SPAG16: variants seen among roughly 807,000 people sequenced by gnomAD.
The protein encoded by SPAG16 is sperm associated antigen 16, also known as sperm-associated antigen 16 protein.
SPAG16 carries 86 observed loss-of-function variants against 80.4 expected under a neutral mutation model. The ratio of observed to expected loss-of-function variants is 1.07; its 90% CI spans 0.90 to 1.28. The LOEUF (loss-of-function observed/expected upper bound fraction) is 1.28, where lower values mean the gene tolerates loss of function less well. Among genes scored for constraint, SPAG16 ranks in the 50% most tolerant of loss-of-function variants. The pLI, the probability that SPAG16 is intolerant of heterozygous loss-of-function variation, is 0.00. For missense variants in SPAG16, 870 were observed against 765.3 expected (o/e 1.14, Z -1.61); for synonymous variants, 294 against 265.9 (o/e 1.11, Z -1.03).
At chr2:213,539,106 G>A (rs1235435162) in intron 10 of SPAG16, among the ~76,000 whole-genome samples, 1 of 152,082 alleles carries the variant, frequency 6.6e-6, no homozygotes, top group African/African-American at 2.4e-5. Context: ...TTTCGGGAAG[G>A]GTTTGAACAA....
intron 10 of SPAG16, among the ~76,000 whole-genome samples, chr2:213,503,010 A>G (rs754675967): frequency 2.0e-5 from 3 of 152,258 alleles, no homozygotes; most frequent in Non-Finnish European, 2.9e-5. Context: ...ACTCTTCTTA[A>G]TAAGTATGAG....
intron 11 of SPAG16, among the ~76,000 whole-genome samples, chr2:213,872,532 A>G (rs1306623100): frequency 1.3e-5 from 2 of 152,150 alleles, no homozygotes; most frequent in Non-Finnish European, 2.9e-5. Context: ...TCATCTCTGA[A>G]GAGAGATCAT....
At chr2:213,355,373 TAA>T (rs2065580400) in intron 7 of SPAG16, among the ~76,000 whole-genome samples, 1 of 79,104 alleles carries the variant, frequency 1.3e-5, no homozygotes, top group African/African-American at 3.6e-5. Flanking sequence ...ATATGAACTT[TAA>T]AGTAGTTTTC....
At chr2:214,327,035 C>CTCTT (rs2126004206) in intron 15 of SPAG16, among the ~76,000 whole-genome samples, 1 of 147,056 alleles carries the variant, frequency 6.8e-6, no homozygotes, top group East Asian at 2.1e-4. Flanking sequence ...AGTTTTTAAA[C>CTCTT]TCTTACAAGC....
In SPAG16 at chr2:213,584,182, AT is replaced by A. The variant is rs545453582; in HGVS notation, c.1070+94101del. On this transcript the variant is annotated intron_variant, in intron 10 of 15. Transcript: ENST00000331683. ...TGTTTATTTTGCATTTCTTCATTGG[AT>A]TTTTTTTTATACTAGTCCAACTAGC... Among the ~76,000 whole-genome samples the A allele has an allele frequency of 4.3e-3, 651 of 151,668 alleles. 9 individuals are homozygous for A. The highest frequency in any genetic ancestry group is 5.7e-3 in the Non-Finnish European group (390 of 67,888).
At chr2:214,087,233 C>T (rs1438974369) in intron 13 of SPAG16, among the ~76,000 whole-genome samples, 2 of 152,038 alleles carry the variant, frequency 1.3e-5, no homozygotes, top group African/African-American at 4.8e-5. Context: ...GCTATCTTAA[C>T]TTTAAGGACG....
intron 10 of SPAG16, among the ~76,000 whole-genome samples, chr2:213,544,160 T>C (rs1319665967): frequency 6.6e-6 from 1 of 152,000 alleles, no homozygotes; most frequent in African/African-American, 2.4e-5. Flanking sequence ...TTCTTCTATA[T>C]GGTCCCACTC....
chr2:214,096,034 A>G (rs1376962716), intron 13 of SPAG16, among the ~76,000 whole-genome samples: 1 of 152,046 alleles, frequency 6.6e-6, no homozygotes, highest in Non-Finnish European at 1.5e-5. Context: ...TGTAATGGTG[A>G]GAATAATTAA....
intron 15 of SPAG16, among the ~76,000 whole-genome samples, chr2:214,370,292 T>G (rs1166907996): frequency 6.6e-6 from 1 of 152,128 alleles, no homozygotes; most frequent in Non-Finnish European, 1.5e-5. Flanking sequence ...AAAGAAGTCA[T>G]GACAAAATTT....
intron 15 of SPAG16, among the ~76,000 whole-genome samples, chr2:214,279,561 G>A (rs562310551): frequency 2.6e-5 from 4 of 152,236 alleles, no homozygotes; most frequent in Non-Finnish European, 5.9e-5. Flanking sequence ...GGACAGCAAG[G>A]CTTTTGGAAT....
chr2:213,549,670 T>C (rs1402092927), intron 10 of SPAG16, among the ~76,000 whole-genome samples: 1 of 152,206 alleles, frequency 6.6e-6, no homozygotes, highest in Non-Finnish European at 1.5e-5. Flanking sequence ...CATCCCTTAC[T>C]ACCAACTTCA....
intron 11 of SPAG16, among the ~76,000 whole-genome samples, chr2:213,863,464 T>C (rs1363161272): frequency 6.6e-6 from 1 of 152,110 alleles, no homozygotes; most frequent in Admixed American, 6.5e-5. Context: ...ATAAAAAAAT[T>C]TTATTTAAAT....
chr2:213,778,365 G>A (rs985798895), intron 10 of SPAG16, among the ~76,000 whole-genome samples: 5 of 152,030 alleles, frequency 3.3e-5, no homozygotes, highest in African/African-American at 9.7e-5. Context: ...AAAGAAAGGG[G>A]AACACACTTA....
chr2:213,699,703 GT>G (rs902061827), intron 10 of SPAG16, among the ~76,000 whole-genome samples: 1 of 152,166 alleles, frequency 6.6e-6, no homozygotes, highest in African/African-American at 2.4e-5. Context: ...TTCCTTTTGT[GT>G]AAGTTATGTG....
intron 7 of SPAG16, among the ~76,000 whole-genome samples, chr2:213,358,969 T>C (rs895138226): frequency 1.3e-5 from 2 of 152,164 alleles, no homozygotes; most frequent in Non-Finnish European, 2.9e-5. Flanking sequence ...TTTTGAAGTT[T>C]ATGCTATTTC....
At chr2:214,035,356 C>T (rs1225774488) in intron 13 of SPAG16, among the ~76,000 whole-genome samples, 1 of 152,194 alleles carries the variant, frequency 6.6e-6, no homozygotes, top group Non-Finnish European at 1.5e-5. Flanking sequence ...CCCCTTATGC[C>T]CAGGAGCCTG....
chr2:213,670,001 CTTT>C (rs796432477), intron 10 of SPAG16, among the ~76,000 whole-genome samples: 2 of 143,592 alleles, frequency 1.4e-5, no homozygotes. Context: ...TGTTCTAATT[CTTT>C]TTTTTTTTTT....
At chr2:213,459,700 C>CT (rs1447465769) in intron 9 of SPAG16, among the ~76,000 whole-genome samples, 1 of 152,236 alleles carries the variant, frequency 6.6e-6, no homozygotes, top group East Asian at 1.9e-4. Context: ...AAAATGAACT[C>CT]TAAGTGCAAG....
chr2:214,124,736 G>A (rs960470314), intron 14 of SPAG16, among the ~76,000 whole-genome samples: 3 of 151,690 alleles, frequency 2.0e-5, no homozygotes, highest in African/African-American at 7.2e-5. Context: ...GCAAAACCAC[G>A]GGCAGAACAA....
Sources: gnomAD v4.1 joint callset for allele counts (sites outside exome capture counted in the v4.1 genomes callset) on GRCh38, gnomAD v4.1.1 for gene constraint, MANE v1.5 for transcripts, NCBI Gene and HGNC (gene_info 2026-07-23, HGNC 2026-07-21) for gene names.